ZNF532: variants seen among roughly 807,000 people sequenced by gnomAD.
ZNF532 encodes the protein zinc finger protein 532.
A neutral mutation model predicts 89.3 loss-of-function variants in ZNF532; 22 were observed. The observed-to-expected ratio is 0.25, with a 90% confidence interval of 0.18 to 0.35. ZNF532 has a LOEUF of 0.35. Ranked by LOEUF, ZNF532 falls within the 10% of genes least tolerant of loss-of-function variation. The pLI is 1.00. For missense variants in ZNF532, 1,132 were observed against 1,643.4 expected (o/e 0.69, Z 5.38); for synonymous variants, 606 against 649.6 (o/e 0.93, Z 1.02).
intron 3 of ZNF532, among the ~76,000 whole-genome samples, chr18:58,922,891 C>T (rs370335274): frequency 1.3e-5 from 2 of 152,166 alleles, no homozygotes; most frequent in South Asian, 2.1e-4. Context: ...TTATTCCCTG[C>T]GTTTCCCTAG....
upstream of ZNF532, chr18:58,863,176 G>C (rs1241481220): frequency 1.3e-5 from 2 of 152,176 alleles, no homozygotes; most frequent in Non-Finnish European, 2.9e-5. Flanking sequence ...AGTAAGTCGC[G>C]GCTTGGGGCC....
chr18:58,940,923 T>TACACACACACACACACAC (rs200614911), intron 5 of ZNF532, among the ~76,000 whole-genome samples: 7,390 of 118,176 alleles, frequency 0.063, 356 homozygotes, highest in Non-Finnish European at 0.076. Flanking sequence ...TGCCATATTT[T>TACACACACACACACACAC]ACACACACAC....
At chr18:58,964,535 TTGTGTGTGTGTGTGTGTG>T (rs200298951) in intron 7 of ZNF532, among the ~76,000 whole-genome samples, 4,093 of 138,620 alleles carry the variant, frequency 0.03, 127 homozygotes, top group African/African-American at 0.071. Context: ...GATATTTTGT[TTGTGTGTGTGTGTGTGTG>T]TGTGTGTGTG....
At chr18:58,956,477 G>A (rs552599452) in intron 7 of ZNF532, among the ~76,000 whole-genome samples, 96 of 152,308 alleles carry the variant, frequency 6.3e-4, no homozygotes, top group African/African-American at 2.2e-3. Context: ...ACCATGCCAA[G>A]TCTCACTGGA....
intron 2 of ZNF532, among the ~76,000 whole-genome samples, chr18:58,877,977 G>A (rs2144817813): frequency 6.6e-6 from 1 of 152,254 alleles, no homozygotes; most frequent in East Asian, 1.9e-4. Context: ...CAGGTTGGCT[G>A]GGCATGGTGG....
intron 2 of ZNF532, among the ~76,000 whole-genome samples, chr18:58,888,840 TTTA>T (rs1417269371): frequency 1.6e-3 from 59 of 35,786 alleles, no homozygotes; most frequent in East Asian, 0.011. Context: ...ATATATATAA[TTTA>T]TATATATATA....
intron 2 of ZNF532, among the ~76,000 whole-genome samples, chr18:58,871,211 T>A (rs72957201): frequency 0.024 from 3,596 of 152,232 alleles, 67 homozygotes; most frequent in Non-Finnish European, 0.034. Flanking sequence ...GATGGCACTT[T>A]ACGTCTGTTA....
chr18:58,951,643 G>GTTGTTTTTTTTTT (rs1568405789), intron 6 of ZNF532, among the ~76,000 whole-genome samples: 7 of 23,316 alleles, frequency 3.0e-4, no homozygotes, highest in Admixed American at 6.5e-4. Context: ...CCCTCGCCCT[G>GTTGTTTTTTTTTT]TTGTTTTTTT....
chr18:58,941,737 C>T lies in ZNF532; in HGVS notation c.2705+2116C>T, dbSNP rs553917248. 1.6e-3 allele frequency among the ~76,000 whole-genome samples: 245 copies of T among 151,952 alleles called. 1 individual carries two copies. Among genetic ancestry groups the T allele is most frequent in the African/African-American group, 4.4e-3 (182 of 41,474 alleles). ...TCTCAAAGTGCTGGGATTGCAGGTG[C>T]GAGCCACTGCACCCAGCCCCAGTAT... On this transcript the variant is annotated intron_variant, in intron 5 of 9. Coordinates refer to ENST00000591808, the MANE Select transcript of ZNF532 (RefSeq NM_001375912.1).
In ZNF532 at chr18:58,939,520, C is replaced by T; in HGVS notation, c.2604C>T (p.Val868=). The change falls in exon 5 of 10, where the codon GTC becomes GTT. Residue 868 remains valine, a synonymous_variant. Transcript: ENST00000591808. ...ACATTCAAGGTTCTCACTGTGAAGTCTTCTACAAGTGTCCTATTTGTCCAA... is the reference window on the plus strand; with the variant it reads ...ACATTCAAGGTTCTCACTGTGAAGTTTTCTACAAGTGTCCTATTTGTCCAA... The part of the protein sequence containing the change: ...KSHIQGSHCE[V]FYKCPICPMA... 1 of 1,614,112 alleles carries T rather than the reference C, an allele frequency of 6.2e-7. No individual in the cohort carries two copies. Among genetic ancestry groups the T allele is most frequent in the South Asian group, 1.1e-5 (1 of 91,080 alleles).
At chr18:58,977,626 G>C (rs1429049714) in intron 7 of ZNF532, 1 of 152,300 alleles carries the variant, frequency 6.6e-6, no homozygotes, top group Non-Finnish European at 1.5e-5. Flanking sequence ...GAGGCCAGCG[G>C]ATCACTTAAG....
At chr18:58,876,002 G>A (rs1000799403) in intron 2 of ZNF532, among the ~76,000 whole-genome samples, 6 of 139,424 alleles carry the variant, frequency 4.3e-5, no homozygotes, top group Non-Finnish European at 7.5e-5. Flanking sequence ...GCGCGATCTC[G>A]ACTCACTGCA....
intron 2 of ZNF532, among the ~76,000 whole-genome samples, chr18:58,915,587 GGTCAACAA>G (rs1387678011): frequency 6.6e-6 from 1 of 152,170 alleles, no homozygotes; most frequent in Admixed American, 6.5e-5. Flanking sequence ...GTGATGTGGA[GGTCAACAA>G]GTTTAGCATT....
At chr18:58,957,266 A>G (rs1051454862) in intron 7 of ZNF532, among the ~76,000 whole-genome samples, 1 of 152,166 alleles carries the variant, frequency 6.6e-6, no homozygotes, top group Admixed American at 6.5e-5. Flanking sequence ...TTTAACTTCC[A>G]CCAGCCCAGA....
intron 2 of ZNF532, among the ~76,000 whole-genome samples, chr18:58,916,971 A>G (rs912929019): frequency 5.9e-5 from 9 of 152,212 alleles, no homozygotes; most frequent in Admixed American, 5.9e-4. Flanking sequence ...GGATAATGAC[A>G]CAGCAAATAC....
At chr18:58,928,390 A>T (rs1014965648) in intron 3 of ZNF532, among the ~76,000 whole-genome samples, 2 of 152,238 alleles carry the variant, frequency 1.3e-5, no homozygotes, top group Non-Finnish European at 2.9e-5. Flanking sequence ...GAGACTCAGA[A>T]GCACCACTTC....
At chr18:58,882,691 C>A (rs1005851539) in intron 2 of ZNF532, among the ~76,000 whole-genome samples, 1 of 152,164 alleles carries the variant, frequency 6.6e-6, no homozygotes, top group African/African-American at 2.4e-5. Context: ...AGTGATCCTC[C>A]CATCTTGACC....
chr18:58,936,569 T>C (rs974436742), intron 4 of ZNF532, among the ~76,000 whole-genome samples: 1 of 152,232 alleles, frequency 6.6e-6, no homozygotes, highest in Non-Finnish European at 1.5e-5. Flanking sequence ...TTCTGTTCTT[T>C]TGCCCTACTC....
At chr18:58,900,461 A>G (rs11152104) in intron 2 of ZNF532, among the ~76,000 whole-genome samples, 2 of 151,990 alleles carry the variant, frequency 1.3e-5, no homozygotes, top group South Asian at 4.1e-4. Flanking sequence ...CCAGCTGATG[A>G]AGGGTCGGGG....
Sources: gnomAD v4.1 joint callset for allele counts (sites outside exome capture counted in the v4.1 genomes callset) on GRCh38, gnomAD v4.1.1 for gene constraint, MANE v1.5 for transcripts, NCBI Gene and HGNC (gene_info 2026-07-23, HGNC 2026-07-21) for gene names.